The following SNX30 variants were observed in gnomAD, a reference collection of about 807,000 sequenced individuals.
The protein encoded by SNX30 is sorting nexin family member 30, also known as sorting nexin-30.
In SNX30, 24 loss-of-function variants were observed where a neutral mutation model predicts 46.4. That is an observed-to-expected ratio of 0.52 (90% confidence interval 0.37 to 0.73). The LOEUF (loss-of-function observed/expected upper bound fraction) is 0.73, where lower values mean the gene tolerates loss of function less well. Ranked by LOEUF, SNX30 falls within the 30% of genes least tolerant of loss-of-function variation. The probability of loss-of-function intolerance (pLI) is 0.00; values close to 1 mark genes in which losing one functional copy is unlikely to be tolerated. For missense variants in SNX30, 533 were observed against 555.7 expected (o/e 0.96, Z 0.41); for synonymous variants, 189 against 211.5 (o/e 0.89, Z 0.92).
At chr9:112,848,831 T>G (rs758744056) in intron 6 of SNX30, among the ~76,000 whole-genome samples, 5 of 152,168 alleles carry the variant, frequency 3.3e-5, no homozygotes, top group Non-Finnish European at 7.4e-5. Flanking sequence ...GGAGAGGAGA[T>G]GCTTTTGCAC....
chr9:112,796,493 G>A (rs1421764120), intron 1 of SNX30, among the ~76,000 whole-genome samples: 3 of 152,136 alleles, frequency 2.0e-5, no homozygotes, highest in Non-Finnish European at 4.4e-5. Context: ...GCTGTAGTTG[G>A]ACTCTGCAGT....
At chr9:112,784,260 A>G (rs1028943169) in intron 1 of SNX30, among the ~76,000 whole-genome samples, 3 of 151,860 alleles carry the variant, frequency 2.0e-5, no homozygotes, top group African/African-American at 4.8e-5. Flanking sequence ...CAGCTCCCCA[A>G]CTGCTCCCTC....
intron 2 of SNX30, among the ~76,000 whole-genome samples, chr9:112,816,353 G>A (rs972820875): frequency 4.6e-5 from 7 of 152,188 alleles, no homozygotes; most frequent in African/African-American, 2.4e-5. Flanking sequence ...TTGCTCTCTG[G>A]ATTTAAGTGT....
chr9:112,867,093 C>A, intron 8 of SNX30, among the ~76,000 whole-genome samples: 1 of 144,164 alleles, frequency 6.9e-6, no homozygotes, highest in Non-Finnish European at 1.5e-5. Context: ...AATTCCTTCT[C>A]CCTCCTCAGA....
rs550437385 is a variant in SNX30 at position 112,868,390 on chromosome 9, G to A, written c.1255-394G>A. On this transcript the variant is annotated intron_variant, in intron 8 of 8. Coordinates refer to ENST00000374232, the MANE Select transcript of SNX30 (RefSeq NM_001012994.2). ...ACTATGATTTCCATCCTGCATAAGC[G>A]CCACCCACACCTGGAGCAGTGTCTC... 1.1e-3 allele frequency among the ~76,000 whole-genome samples: 167 copies of A among 152,202 alleles called. 1 individual carries two copies. The highest frequency in any genetic ancestry group is 3.4e-3 in the African/African-American group (142 of 41,530).
intron 2 of SNX30, among the ~76,000 whole-genome samples, 196 bp from the exon 3 acceptor site, chr9:112,817,509 C>T (rs1168293484): frequency 7.6e-6 from 1 of 131,848 alleles, no homozygotes; most frequent in Non-Finnish European, 1.5e-5. Flanking sequence ...TATTCCAGCT[C>T]GTTGAATTTT....
intron 6 of SNX30, among the ~76,000 whole-genome samples, chr9:112,840,851 C>G (rs1840845704): frequency 1.3e-5 from 2 of 151,780 alleles, no homozygotes; most frequent in South Asian, 4.2e-4. Flanking sequence ...ACGATCTCAG[C>G]TCACCGCAAG....
chr9:112,821,669 G>A (rs1388959083), intron 3 of SNX30, among the ~76,000 whole-genome samples: 1 of 151,066 alleles, frequency 6.6e-6, no homozygotes, highest in Non-Finnish European at 1.5e-5. Context: ...TGTATTTTTA[G>A]TAGAAACAGG....
At chr9:112,823,561 A>ACT (rs140912219) in intron 3 of SNX30, among the ~76,000 whole-genome samples, 1 of 152,366 alleles carries the variant, frequency 6.6e-6, no homozygotes, top group Non-Finnish European at 1.5e-5. Context: ...GATACATTGA[A>ACT]TAAACACTTG....
intron 3 of SNX30, among the ~76,000 whole-genome samples, chr9:112,825,389 G>A (rs908296606): frequency 2.0e-5 from 3 of 152,020 alleles, no homozygotes; most frequent in Admixed American, 2.0e-4. Flanking sequence ...CCAACTCCTG[G>A]GTTCAAGCAA....
chr9:112,850,795 C>A (rs1218973268), intron 6 of SNX30, 64 bp from the exon 7 acceptor site: 2 of 1,264,030 alleles, frequency 1.6e-6, no homozygotes, highest in African/African-American at 1.5e-5. Context: ...GAAGCAATTG[C>A]CTGGGGGTGG....
chr9:112,860,660 T>C (rs1841211033), intron 7 of SNX30, among the ~76,000 whole-genome samples: 1 of 152,238 alleles, frequency 6.6e-6, no homozygotes, highest in East Asian at 1.9e-4. Flanking sequence ...TAATATGTAG[T>C]TTGGAGATGA....
chr9:112,780,881 T>G (rs966356874), intron 1 of SNX30, among the ~76,000 whole-genome samples: 6 of 152,206 alleles, frequency 3.9e-5, no homozygotes, highest in African/African-American at 1.2e-4. Context: ...GTCCCCGGCT[T>G]AGACATTGAT....
rs767534521 is a variant in SNX30, at chr9:112,804,900, T to C, written c.281T>C (p.Ile94Thr). ...IDGETRDLFV[I>T]VDDPKKHVCT... ...GGTGAGACTAGAGATCTCTTCGTTA[T>C]AGTTGATGATCCCAAGAAGCATGTG... The change falls in exon 2 of 9, where the codon ATA becomes ACA. Residue 94 changes from isoleucine to threonine, a missense_variant. This residue lies in a region of SNX30 where 191 missense variants were observed against 160.3 expected (regional missense o/e 1.19). Coordinates refer to ENST00000374232, the MANE Select transcript of SNX30 (RefSeq NM_001012994.2). The C allele has an allele frequency of 7.4e-6, 12 of 1,613,836 alleles. No individual in the cohort carries two copies. In the East Asian group the frequency reaches 1.8e-4, roughly 24 times the overall value.
intron 1 of SNX30, among the ~76,000 whole-genome samples, chr9:112,777,046 C>T (rs1481240981): frequency 6.6e-6 from 1 of 152,126 alleles, no homozygotes; most frequent in African/African-American, 2.4e-5. Flanking sequence ...CCCTATATAG[C>T]AAATCCCATG....
At position 112,864,366 on chromosome 9, in the gene SNX30, G is replaced by A. The variant is rs765452881; in HGVS notation, c.1221G>A (p.Gly407=). The A allele has an allele frequency of 2.5e-6, 4 of 1,614,242 alleles. No individual in the cohort carries two copies. The highest frequency in any genetic ancestry group is 3.4e-6 in the Non-Finnish European group (4 of 1,180,044). ...KRQDFRQLLM[G]MADKNIQYYE... ...AGGACTTCCGGCAGCTACTCATGGGGATGGCTGACAAGAACATCCAGTATT... is the reference window on the plus strand; with the variant it reads ...AGGACTTCCGGCAGCTACTCATGGGAATGGCTGACAAGAACATCCAGTATT... Residue 407 remains glycine (G), a synonymous_variant, in exon 8 of 9, where the codon GGG becomes GGA. Coordinates refer to ENST00000374232, the MANE Select transcript of SNX30 (RefSeq NM_001012994.2).
Position 112,831,934 on chromosome 9 carries a change from A to G in SNX30, c.618+1051A>G, listed in dbSNP as rs144060449. 1.2e-3 allele frequency among the ~76,000 whole-genome samples: 189 copies of G among 152,328 alleles called. 1 individual carries two copies. The highest frequency in any genetic ancestry group is 4.3e-3 in the African/African-American group (177 of 41,562). On this transcript the variant is annotated intron_variant, in intron 4 of 8. Coordinates refer to ENST00000374232, the MANE Select transcript of SNX30 (RefSeq NM_001012994.2). ...GGTATCATATTCCCATGTTCAGGCC[A>G]TATGTAACATGTTCCATGTTGGCAA...
intron 1 of SNX30, among the ~76,000 whole-genome samples, chr9:112,789,156 A>C (rs1398474367): frequency 1.3e-5 from 2 of 152,134 alleles, no homozygotes; most frequent in Non-Finnish European, 2.9e-5. Flanking sequence ...GGAAAGGTGC[A>C]TTCTGTCTTT....
chr9:112,850,737 A>G (rs1841009992), intron 6 of SNX30, 122 bp from the exon 7 acceptor site: 1 of 655,362 alleles, frequency 1.5e-6, no homozygotes, highest in South Asian at 1.9e-5. Flanking sequence ...CTAGGAGCAC[A>G]TGGCTGGGCC....
Sources: allele counts gnomAD v4.1 joint callset (sites outside exome capture counted in the v4.1 genomes callset), GRCh38; gene constraint gnomAD v4.1.1; regional missense constraint gnomAD v4.1.1; transcripts MANE v1.5; gene names NCBI Gene and HGNC (gene_info 2026-07-23, HGNC 2026-07-21).